Variants in DRC9 observed in about 807,000 individuals in gnomAD.
DRC9 encodes dynein regulatory complex subunit 9, also known as dynein regulatory complex protein 9.
chr3:197,928,435 A>G, the DRC9 span, among the ~76,000 whole-genome samples: 1 of 141,962 alleles, frequency 7.0e-6, no homozygotes, highest in Non-Finnish European at 1.5e-5. Flanking sequence ...TGCAACCTCC[A>G]CCTCTCGGGT....
the DRC9 span, among the ~76,000 whole-genome samples, chr3:197,921,325 C>G: frequency 7.6e-3 from 895 of 117,482 alleles, 75 homozygotes; most frequent in African/African-American, 0.04. Context: ...GGGGATTTAA[C>G]TTGGTTTCTT....
the DRC9 span, among the ~76,000 whole-genome samples, chr3:197,902,388 T>A: frequency 6.6e-6 from 1 of 152,074 alleles, no homozygotes; most frequent in Non-Finnish European, 1.5e-5. Context: ...CACCAGGGAC[T>A]AATCGTGGAG....
the DRC9 span, among the ~76,000 whole-genome samples, chr3:197,940,420 C>T: frequency 6.6e-6 from 1 of 151,984 alleles, no homozygotes; most frequent in Non-Finnish European, 1.5e-5. Context: ...CAAGAAAACT[C>T]TTTCCAAACT....
the DRC9 span, chr3:197,938,809 A>T: frequency 6.6e-7 from 1 of 1,519,332 alleles, no homozygotes; most frequent in Non-Finnish European, 9.1e-7. Flanking sequence ...ATTAGAAAGA[A>T]TTTTTTTAAA....
chr3:197,953,511 T>G, the DRC9 span: 1 of 456,450 alleles, frequency 2.2e-6, no homozygotes, highest in Non-Finnish European at 4.4e-6. Flanking sequence ...CTTGGTGTCT[T>G]CAGTCTTTCT....
At chr3:197,913,350 G>A in the DRC9 span, 15 of 196,242 alleles carry the variant, frequency 7.6e-5, no homozygotes, top group South Asian at 7.4e-5. Flanking sequence ...GCGTGCGTGT[G>A]TGCGTGCGTG....
chr3:197,892,290 G>T, the DRC9 span, among the ~76,000 whole-genome samples: 1 of 152,206 alleles, frequency 6.6e-6, no homozygotes, highest in Non-Finnish European at 1.5e-5. Flanking sequence ...CTCTCCAGAG[G>T]TCATAAACTA....
At chr3:197,903,924 C>A in the DRC9 span, among the ~76,000 whole-genome samples, 1 of 150,668 alleles carries the variant, frequency 6.6e-6, no homozygotes, top group Non-Finnish European at 1.5e-5. Context: ...GCCTGGGCAA[C>A]AATAGTGAGA....
At chr3:197,935,680 G>T in the DRC9 span, among the ~76,000 whole-genome samples, 8 of 151,726 alleles carry the variant, frequency 5.3e-5, no homozygotes, top group South Asian at 1.7e-3. Context: ...ATGAGGTCTC[G>T]CTATGTTGCC....
chr3:197,951,528 T>C, the DRC9 span: 1 of 536,902 alleles, frequency 1.9e-6, no homozygotes, highest in Non-Finnish European at 3.3e-6. Flanking sequence ...AGTTTTTGTA[T>C]TATTAGTAGA....
the DRC9 span, among the ~76,000 whole-genome samples, chr3:197,923,219 C>T: frequency 1.3e-5 from 2 of 152,140 alleles, no homozygotes; most frequent in South Asian, 2.1e-4. Flanking sequence ...CCTAGGCTCA[C>T]GCAGTCCTCC....
chr3:197,912,780 T>C, the DRC9 span: 3 of 1,566,064 alleles, frequency 1.9e-6, no homozygotes, highest in South Asian at 2.2e-5. Context: ...CAGTACGTCT[T>C]CCCCGCAGGG....
At chr3:197,946,339 G>A in the DRC9 span, among the ~76,000 whole-genome samples, 2 of 150,378 alleles carry the variant, frequency 1.3e-5, no homozygotes, top group African/African-American at 4.9e-5. Context: ...GGAGGCTGAG[G>A]CAGGAGAATG....
At chr3:197,921,379 A>C in the DRC9 span, among the ~76,000 whole-genome samples, 5 of 30,352 alleles carry the variant, frequency 1.6e-4, no homozygotes, top group East Asian at 1.1e-3. Context: ...CCGGGGATTT[A>C]ACTTGGTTTC....
the DRC9 span, among the ~76,000 whole-genome samples, chr3:197,931,506 CAAAA>C: frequency 3.5e-5 from 5 of 143,166 alleles, no homozygotes; most frequent in Non-Finnish European, 7.6e-5. Context: ...AACAAACAAA[CAAAA>C]AAAGAGTTCT....
At chr3:197,922,681 G>A in the DRC9 span, among the ~76,000 whole-genome samples, 1 of 151,680 alleles carries the variant, frequency 6.6e-6, no homozygotes, top group African/African-American at 2.4e-5. Context: ...ACTCCAGCCT[G>A]GGCGACAGAG....
At chr3:197,937,186 A>G in the DRC9 span, among the ~76,000 whole-genome samples, 1 of 152,184 alleles carries the variant, frequency 6.6e-6, no homozygotes, top group African/African-American at 2.4e-5. Flanking sequence ...CTCATTTACC[A>G]AAAGTTCTTA....
At chr3:197,890,927 G>C in the DRC9 span, among the ~76,000 whole-genome samples, 96 of 152,290 alleles carry the variant, frequency 6.3e-4, 3 homozygotes, top group South Asian at 0.02. Flanking sequence ...CCAGCTTTCA[G>C]TTTTTGCTTG....
At chr3:197,903,913 C>CG in the DRC9 span, among the ~76,000 whole-genome samples, 1 of 151,228 alleles carries the variant, frequency 6.6e-6, no homozygotes, top group South Asian at 2.1e-4. Context: ...GTTCAAGGCC[C>CG]GCCTGGGCAA....
Sources: allele counts gnomAD v4.1 joint callset (sites outside exome capture counted in the v4.1 genomes callset), GRCh38; gene constraint gnomAD v4.1.1; transcripts MANE v1.5; gene names NCBI Gene and HGNC (gene_info 2026-07-23, HGNC 2026-07-21).